The following CLIP4 variants were observed in gnomAD, a reference collection of about 807,000 sequenced individuals.
CLIP4 encodes CAP-Gly domain containing linker protein family member 4, also known as CAP-Gly domain-containing linker protein 4.
CLIP4 carries 47 observed loss-of-function variants against 73.1 expected under a neutral mutation model. That is an observed-to-expected ratio of 0.64 (90% CI 0.51 to 0.82). The LOEUF (loss-of-function observed/expected upper bound fraction) is 0.82, where lower values mean the gene tolerates loss of function less well. CLIP4 is among the 40% of genes least tolerant of loss of function. CLIP4 has a pLI of 0.00. For synonymous variants in CLIP4, 306 were observed against 295.4 expected (o/e 1.04, Z -0.37); for missense variants, 874 against 852.9 (o/e 1.02, Z -0.31).
intron 15 of CLIP4, among the ~76,000 whole-genome samples, chr2:29,175,131 C>A (rs1479083886): frequency 6.6e-6 from 1 of 152,124 alleles, no homozygotes; most frequent in East Asian, 1.9e-4. Context: ...ACCCTAGGAG[C>A]CACGAGAAAT....
chr2:29,128,363 G>T (rs184948110), intron 2 of CLIP4, among the ~76,000 whole-genome samples: 8 of 151,158 alleles, frequency 5.3e-5, no homozygotes, highest in Admixed American at 5.3e-4. Context: ...AGGATTACAG[G>T]TATTTAGTTA....
rs748855460 is a variant in CLIP4, at chr2:29,143,778, G to A, written c.718G>A (p.Ala240Thr). The change falls in exon 7 of 16, where the codon GCC becomes ACC. Residue 240 changes from alanine to threonine, a missense_variant. By Grantham distance (58) the Ala-to-Thr change is moderately conservative (BLOSUM62 0). Coordinates refer to ENST00000320081, the MANE Select transcript of CLIP4 (RefSeq NM_024692.6). ...PVDMPLEMAD[A>T]AATAKEIKQM... is the part of the protein sequence containing the mutation. ...AGATATGCCGTTAGAGATGGCTGAC[G>A]CCGCAGCCACTGCTAAGGAAATCAA... The A allele has an allele frequency of 7.9e-5, 127 of 1,614,014 alleles. No homozygotes were observed. The highest frequency in any genetic ancestry group is 2.0e-4 in the South Asian group (18 of 91,094).
At position 29,133,699 on chromosome 2, in the gene CLIP4, C is replaced by T. The variant is rs1207690989; in HGVS notation, c.412C>T (p.Leu138=). Reference sequence around the variant, plus strand: ...AAAATTTGCAACTCAGCTTATTGACCTGGGAGCAGACATTAGTTTGCGGAG... The same window carrying T: ...AAAATTTGCAACTCAGCTTATTGACTTGGGAGCAGACATTAGTTTGCGGAG... ...AVKFATQLID[L]GADISLRSRW... Residue 138 remains leucine, a synonymous_variant, in exon 5 of 16, where the codon CTG becomes TTG. Coordinates refer to ENST00000320081, the MANE Select transcript of CLIP4 (RefSeq NM_024692.6). 2 of 1,613,202 alleles carry T rather than the reference C, an allele frequency of 1.2e-6. No individual in the cohort carries two copies. The highest frequency in any genetic ancestry group is 1.7e-6 in the Non-Finnish European group (2 of 1,179,732).
intron 6 of CLIP4, 99 bp downstream of exon 6, chr2:29,135,765 T>C (rs1665307539): frequency 1.3e-6 from 1 of 745,148 alleles, no homozygotes; most frequent in Non-Finnish European, 2.2e-6. Context: ...GAAGAACTCT[T>C]ACATGAGCAA....
chr2:29,149,476 GAGA>G (rs1666401924), intron 8 of CLIP4, among the ~76,000 whole-genome samples: 1 of 150,440 alleles, frequency 6.6e-6, no homozygotes, highest in African/African-American at 2.4e-5. Context: ...GTGGGGGTTG[GAGA>G]AGAAGAATTG....
At chr2:29,175,797 T>C (rs974360245) in intron 15 of CLIP4, among the ~76,000 whole-genome samples, 12 of 152,224 alleles carry the variant, frequency 7.9e-5, no homozygotes, top group African/African-American at 2.9e-4. Context: ...AGTCTTGCTC[T>C]GTCACCCAGG....
chr2:29,145,318 T>C lies in CLIP4; in HGVS notation c.972T>C (p.Asn324=). ...GIELDEPEGK[N]NGSVGKVQYF... is the part of the protein sequence containing the mutation. ...AACTGGATGAACCAGAAGGAAAAAA[T>C]AATGGAAGTGTTGGAAAAGTCCAGT... Residue 324 remains asparagine, a synonymous_variant, in exon 8 of 16, where the codon AAT becomes AAC. Transcript: ENST00000320081. 3 of 1,613,142 alleles carry C rather than the reference T, an allele frequency of 1.9e-6. No individual in the cohort carries two copies. Among genetic ancestry groups the C allele is most frequent in the South Asian group, 2.2e-5 (2 of 91,020 alleles).
intron 1 of CLIP4, among the ~76,000 whole-genome samples, chr2:29,099,913 T>A (rs946767909): frequency 1.3e-5 from 2 of 152,226 alleles, no homozygotes; most frequent in African/African-American, 4.8e-5. Flanking sequence ...TTTGTTAGAT[T>A]TATACATAAC....
chr2:29,156,401 T>G lies in CLIP4; in HGVS notation c.1213T>G (p.Leu405Val). Reference protein sequence around the residue: ...KDSASESTLSLPPGEELKTVT... With the variant: ...KDSASESTLSVPPGEELKTVT... Reference sequence around the variant, plus strand: ...TAGTGCTTCTGAGTCAACACTTTCATTGCCTCCTGGTGAAGAACTTAAAAC... The same window carrying G: ...TAGTGCTTCTGAGTCAACACTTTCAGTGCCTCCTGGTGAAGAACTTAAAAC... Residue 405 changes from leucine (L) to valine (V), a missense_variant, in exon 10 of 16, where the codon TTG becomes GTG. Leu to Val is a conservative substitution (Grantham distance 32). Transcript: ENST00000320081. 1 of 1,589,752 alleles carries G rather than the reference T, an allele frequency of 6.3e-7. No homozygotes were observed. Among genetic ancestry groups the G allele is most frequent in the Non-Finnish European group, 8.5e-7 (1 of 1,174,164 alleles).
At chr2:29,152,908 A>T in intron 9 of CLIP4, 80 bp downstream of exon 9, 4 of 1,469,642 alleles carry the variant, frequency 2.7e-6, no homozygotes, top group Non-Finnish European at 2.8e-6. Context: ...AGATTGCTTC[A>T]CTTTTTTTTG....
intron 2 of CLIP4, among the ~76,000 whole-genome samples, chr2:29,128,415 G>C (rs1664752060): frequency 6.6e-6 from 1 of 151,124 alleles, no homozygotes; most frequent in Admixed American, 6.6e-5. Context: ...GGCAAATACA[G>C]AGAAAGCCAT....
rs913618482 is a variant in CLIP4, at chr2:29,174,361, T to G, written c.1724-12T>G. 1.2e-6 allele frequency: 2 copies of G among 1,605,032 alleles called. No homozygotes were observed. The highest frequency in any genetic ancestry group is 1.7e-6 in the Non-Finnish European group (2 of 1,176,916). ...ATATTTTTCCTCTGCTAACCCCAAC[T>G]TTCATATTTAGGTTTTAGGAGAAGT... On this transcript the variant is annotated splice_polypyrimidine_tract_variant and intron_variant, in intron 14 of 15. Coordinates refer to ENST00000320081, the MANE Select transcript of CLIP4 (RefSeq NM_024692.6).
chr2:29,117,038 C>T (rs1410511049), intron 1 of CLIP4, among the ~76,000 whole-genome samples: 1 of 152,174 alleles, frequency 6.6e-6, no homozygotes, highest in Non-Finnish European at 1.5e-5. Flanking sequence ...CTTACTGCTC[C>T]CTTGTTAATT....
intron 2 of CLIP4, among the ~76,000 whole-genome samples, chr2:29,129,057 A>G (rs1014250878): frequency 3.9e-5 from 6 of 152,168 alleles, no homozygotes; most frequent in Admixed American, 2.0e-4. Context: ...GTTTTGAACA[A>G]TTATGCTTGG....
rs796180363 is a variant in CLIP4, at chr2:29,107,358, GTTTTTTT to G, written c.-16+9436_-16+9442del. Among the ~76,000 whole-genome samples the G allele has an allele frequency of 2.9e-4, 19 of 65,360 alleles. 1 individual carries two copies. Among genetic ancestry groups the G allele is most frequent in the African/African-American group, 4.2e-4 (8 of 19,224 alleles). 42.9% of individuals were successfully genotyped at this position (65,360 alleles called of 152,430 possible). ...ATTTCTAAATTCCTGGAACATGATA[GTTTTTTT>G]TTTTTTTTTTTTTTTTTTTTTTTTG... On this transcript the variant is annotated intron_variant, in intron 1 of 14. Coordinates refer to the CLIP4 transcript ENST00000401605.
chr2:29,180,868 G>GTATATATA (rs370019820), intron 15 of CLIP4, among the ~76,000 whole-genome samples: 239 of 149,586 alleles, frequency 1.6e-3, no homozygotes, highest in Non-Finnish European at 3.0e-3. Context: ...GTGTACACAT[G>GTATATATA]TATATATATA....
chr2:29,100,280 T>C lies in CLIP4; in HGVS notation c.-16+2333T>C, dbSNP rs146373281. Among the ~76,000 whole-genome samples, 143 of 152,288 alleles carry C rather than the reference T, an allele frequency of 9.4e-4. 2 individuals are homozygous for C. The highest frequency in any genetic ancestry group is 3.3e-3 in the African/African-American group (137 of 41,548). On this transcript the variant is annotated intron_variant, in intron 1 of 14. Coordinates refer to the CLIP4 transcript ENST00000401605. ...ACCTTTTAAATCCCCTCTTTGCCTT[T>C]TTCTTTCATTGATTTCTTCTGTCTC...
At chr2:29,175,140 A>AT (rs1668251474) in intron 15 of CLIP4, among the ~76,000 whole-genome samples, 1 of 152,132 alleles carries the variant, frequency 6.6e-6, no homozygotes, top group Non-Finnish European at 1.5e-5. Context: ...GCCACGAGAA[A>AT]TTAGAGCCCA....
intron 2 of CLIP4, among the ~76,000 whole-genome samples, chr2:29,129,711 T>C (rs1229461413): frequency 6.6e-6 from 1 of 152,118 alleles, no homozygotes; most frequent in Non-Finnish European, 1.5e-5. Flanking sequence ...AGCTTCTGCA[T>C]ACAAATCAAA....
Sources: gnomAD v4.1 joint callset for allele counts (sites outside exome capture counted in the v4.1 genomes callset) on GRCh38, gnomAD v4.1.1 for gene constraint, MANE v1.5 for transcripts, NCBI Gene and HGNC (gene_info 2026-07-23, HGNC 2026-07-21) for gene names.